Variants in SNX27 observed in about 807,000 individuals in gnomAD.
SNX27 encodes sorting nexin 27.
A neutral mutation model predicts 71.6 loss-of-function variants in SNX27; 22 were observed. The observed-to-expected ratio is 0.31, with a 90% CI of 0.22 to 0.44. SNX27 has a LOEUF of 0.44. Ranked by LOEUF, SNX27 falls within the 20% of genes least tolerant of loss-of-function variation. The probability of loss-of-function intolerance (pLI) is 1.00; values close to 1 mark genes in which losing one functional copy is unlikely to be tolerated. For synonymous variants in SNX27, 269 were observed against 277.2 expected (o/e 0.97, Z 0.29); for missense variants, 531 against 698.6 (o/e 0.76, Z 2.70).
chr1:151,696,017 C>G lies in SNX27; in HGVS notation c.*1600C>G, dbSNP rs1671684053. 1 of 152,196 alleles carries G rather than the reference C, an allele frequency of 6.6e-6. No homozygotes were observed. The highest frequency in any genetic ancestry group is 2.1e-4 in the South Asian group (1 of 4,836). 9.4% of individuals were successfully genotyped at this position (152,196 alleles called of 1,614,324 possible). A position where few individuals can be genotyped will look rare whatever the true frequency, so the allele number is the denominator to read the frequency against. ...AGCCCCATCCAAGCCAGCTGAGAAC[C>G]TAGGAAGGAGTAGTAGGAATATGGT... On this transcript the variant is annotated 3_prime_UTR_variant, in exon 12 of 12. Transcript: ENST00000458013.
rs375141192 is a variant in SNX27, at chr1:151,695,988, C to T, written c.*1571C>T. 2.0e-5 allele frequency: 3 copies of T among 152,268 alleles called. No individual in the cohort carries two copies. Among genetic ancestry groups the T allele is most frequent in the East Asian group, 1.9e-4 (1 of 5,206 alleles). The allele number at this position is 152,268 out of a possible 1,614,324, so 9.4% of individuals were successfully genotyped here. On this transcript the variant is annotated 3_prime_UTR_variant, in exon 12 of 12. Coordinates refer to ENST00000458013, the MANE Select transcript of SNX27 (RefSeq NM_001330723.2). ...GGGTCAGTGGTCTGTGCCAACCAAA[C>T]GATAGCCCCATCCAAGCCAGCTGAG... is the stretch of plus-strand genomic sequence containing the variant.
chr1:151,628,940 T>C (rs1404871821), intron 1 of SNX27, among the ~76,000 whole-genome samples: 1 of 152,214 alleles, frequency 6.6e-6, no homozygotes, highest in Non-Finnish European at 1.5e-5. Context: ...GTTTTTTCAT[T>C]CTCTTAACAG....
chr1:151,692,412 T>TTC, intron 8 of SNX27, 23 bp from the exon 9 acceptor site: 1 of 1,327,022 alleles, frequency 7.5e-7, no homozygotes, highest in Non-Finnish European at 9.6e-7. Flanking sequence ...CTTCCTTTTT[T>TTC]TTTTTTTTTT....
chr1:151,652,859 C>T (rs926900656), intron 2 of SNX27, among the ~76,000 whole-genome samples: 2 of 151,602 alleles, frequency 1.3e-5, no homozygotes, highest in African/African-American at 4.8e-5. Flanking sequence ...TAATAATATG[C>T]TGCCTGATAA....
intron 7 of SNX27, chr1:151,677,236 G>A (rs1315257920): frequency 6.6e-6 from 1 of 152,062 alleles, no homozygotes; most frequent in Non-Finnish European, 1.5e-5. Flanking sequence ...TTAATTAAAT[G>A]TTGTATTATA....
chr1:151,628,008 T>G (rs934194391), intron 1 of SNX27, among the ~76,000 whole-genome samples: 11 of 71,924 alleles, frequency 1.5e-4, no homozygotes, highest in African/African-American at 5.0e-4. Flanking sequence ...TCATGACTGT[T>G]TTTTTTTTTT....
intron 10 of SNX27, 38 bp from the exon 11 acceptor site, chr1:151,693,386 C>G: frequency 6.2e-7 from 1 of 1,601,760 alleles, no homozygotes; most frequent in Non-Finnish European, 8.6e-7. Flanking sequence ...GATGCCTGCT[C>G]TTGAGAAGTT....
chr1:151,651,402 G>A (rs866565643), intron 2 of SNX27, among the ~76,000 whole-genome samples: 10 of 148,416 alleles, frequency 6.7e-5, no homozygotes, highest in East Asian at 2.1e-4. Context: ...CCTCCCTCCC[G>A]GACGGGGTGG....
chr1:151,624,191 C>T (rs926995288), intron 1 of SNX27, among the ~76,000 whole-genome samples: 3 of 151,582 alleles, frequency 2.0e-5, no homozygotes, highest in Non-Finnish European at 4.4e-5. Context: ...GTCTCAAACT[C>T]CTGGGCTCAA....
chr1:151,693,271 T>G (rs772543871), intron 10 of SNX27, 153 bp from the exon 11 acceptor site: 28 of 913,916 alleles, frequency 3.1e-5, no homozygotes, highest in Admixed American at 5.0e-5. Flanking sequence ...TAGAGAATAG[T>G]GGATGAACCA....
intron 2 of SNX27, among the ~76,000 whole-genome samples, chr1:151,654,828 A>G (rs1454939487): frequency 6.6e-6 from 1 of 152,178 alleles, no homozygotes; most frequent in Non-Finnish European, 1.5e-5. Flanking sequence ...TAATGACATT[A>G]ATCACGAGAG....
chr1:151,662,147 T>A lies in SNX27; in HGVS notation c.802-19T>A, dbSNP rs1571838519. On this transcript the variant is annotated intron_variant, in intron 4 of 11. Transcript: ENST00000458013. The stretch of plus-strand genomic sequence containing the variant: ...GATATACTGGGCCATAAATTATTTC[T>A]CTATGTCTTTTCCCCCAGAACTACA... 1 of 1,578,978 alleles carries A rather than the reference T, an allele frequency of 6.3e-7. No individual in the cohort carries two copies. The highest frequency in any genetic ancestry group is 1.3e-5 in the African/African-American group (1 of 74,232).
intron 8 of SNX27, among the ~76,000 whole-genome samples, chr1:151,687,464 G>A (rs1227394088): frequency 6.6e-6 from 1 of 152,126 alleles, no homozygotes; most frequent in African/African-American, 2.4e-5. Flanking sequence ...GGAACGTTAG[G>A]TGCTTCAGAA....
Position 151,612,590 on chromosome 1 carries a change from C to T in SNX27, c.311+78C>T, listed in dbSNP as rs1341480286. 3.6e-6 allele frequency: 4 copies of T among 1,115,064 alleles called. No individual in the cohort carries two copies. Among genetic ancestry groups the T allele is most frequent in the East Asian group, 3.2e-5 (1 of 31,086 alleles). 69.1% of individuals were successfully genotyped at this position (1,115,064 alleles called of 1,614,324 possible). A position where few individuals can be genotyped will look rare whatever the true frequency, so the allele number is the denominator to read the frequency against. ...TGCACTCCTCGCTACCCTTGTCACC[C>T]CCAGGCCGCACCTCCCCCGAGCTCC... On this transcript the variant is annotated intron_variant, in intron 1 of 11. Coordinates refer to ENST00000458013, the MANE Select transcript of SNX27 (RefSeq NM_001330723.2). The surrounding 1 kb of genome is among the most constrained non-coding windows in gnomAD (Gnocchi z 5.2).
chr1:151,668,655 T>C lies in SNX27; in HGVS notation c.1149+20T>C. The C allele has an allele frequency of 6.2e-7, 1 of 1,603,884 alleles. No homozygotes were observed. Among genetic ancestry groups the C allele is most frequent in the Non-Finnish European group, 8.5e-7 (1 of 1,175,974 alleles). On this transcript the variant is annotated intron_variant, in intron 7 of 11. Coordinates refer to ENST00000458013, the MANE Select transcript of SNX27 (RefSeq NM_001330723.2). Reference sequence around the variant, plus strand: ...CATCAGGTAGGTGAATTGATCTTCTTGAAAGGCACAATTTCTTTTTATGTT... The same window carrying C: ...CATCAGGTAGGTGAATTGATCTTCTCGAAAGGCACAATTTCTTTTTATGTT...
At chr1:151,613,239 G>C (rs907682028) in intron 1 of SNX27, 5 of 151,844 alleles carry the variant, frequency 3.3e-5, no homozygotes, top group Non-Finnish European at 4.4e-5. Flanking sequence ...CGTGGGATTT[G>C]ACACCGTAGT....
At chr1:151,627,173 T>G (rs2102610104) in intron 1 of SNX27, among the ~76,000 whole-genome samples, 1 of 152,366 alleles carries the variant, frequency 6.6e-6, no homozygotes, top group South Asian at 2.1e-4. Flanking sequence ...ATTCTTCATC[T>G]CTACTGCATT....
At chr1:151,693,114 G>GGA (rs1671536114) in intron 10 of SNX27, 75 bp downstream of exon 10, 3 of 1,561,922 alleles carry the variant, frequency 1.9e-6, no homozygotes, top group Non-Finnish European at 2.6e-6. Context: ...ATGCATAAAT[G>GGA]GAGAGAGAGA....
intron 7 of SNX27, chr1:151,677,257 C>T (rs1377353103): frequency 3.3e-5 from 5 of 152,094 alleles, no homozygotes; most frequent in Non-Finnish European, 5.9e-5. Flanking sequence ...ATAATAGATG[C>T]ATAAAGTATC....
Sources: allele counts gnomAD v4.1 joint callset (sites outside exome capture counted in the v4.1 genomes callset), GRCh38; gene constraint gnomAD v4.1.1; non-coding constraint Gnocchi (gnomAD v3.1); transcripts MANE v1.5; gene names NCBI Gene and HGNC (gene_info 2026-07-23, HGNC 2026-07-21).